Variants in NUP155 observed in about 807,000 individuals in gnomAD.
The protein encoded by NUP155 is nuclear pore complex protein Nup155.
In NUP155, 71 loss-of-function variants were observed where a neutral mutation model predicts 180.4. That is an observed-to-expected ratio of 0.39 (90% CI 0.33 to 0.48). The LOEUF is 0.48. Ranked by LOEUF, NUP155 falls within the 20% of genes least tolerant of loss-of-function variation. NUP155 has a pLI of 0.91. For synonymous variants in NUP155, 582 were observed against 559.5 expected (o/e 1.04, Z -0.57); for missense variants, 1,553 against 1,648.9 (o/e 0.94, Z 1.01).
intron 5 of NUP155, 40 bp downstream of exon 5, chr5:37,352,697 A>T (rs1176299263): frequency 7.4e-7 from 1 of 1,343,624 alleles, no homozygotes. Flanking sequence ...TGGCCAAAAT[A>T]CTATTATTTT....
At position 37,329,189 on chromosome 5, in the gene NUP155, C is replaced by T. The variant is rs1744796460; in HGVS notation, c.1813+1G>A. 1 of 1,607,276 alleles carries T rather than the reference C, an allele frequency of 6.2e-7. No individual in the cohort carries two copies. The highest frequency in any genetic ancestry group is 8.5e-7 in the Non-Finnish European group (1 of 1,173,848). On this transcript the variant is annotated splice_donor_variant, in intron 16 of 34. Coordinates refer to ENST00000231498, the MANE Select transcript of NUP155 (RefSeq NM_153485.3). LOFTEE classifies it high-confidence loss of function. ...ATTTCATTTCAATGTTCCATACTCA[C>T]TAGAATAGACAGGAGACCCCAAGAT...
At chr5:37,304,446 A>C (rs1304045372) in intron 27 of NUP155, among the ~76,000 whole-genome samples, 1 of 152,126 alleles carries the variant, frequency 6.6e-6, no homozygotes, top group African/African-American at 2.4e-5. Flanking sequence ...CTGAAGTCAC[A>C]GTGACTTAAC....
chr5:37,354,829 C>T (rs528169410), intron 4 of NUP155, among the ~76,000 whole-genome samples: 3 of 152,072 alleles, frequency 2.0e-5, no homozygotes, highest in Admixed American at 6.5e-5. Flanking sequence ...TGGTGGCTCA[C>T]GCCTGTAATC....
At chr5:37,343,264 C>CG (rs1343639090) in intron 9 of NUP155, among the ~76,000 whole-genome samples, 3 of 151,806 alleles carry the variant, frequency 2.0e-5, no homozygotes, top group African/African-American at 7.3e-5. Context: ...TTAGTAGAGA[C>CG]GGGGTTTCAC....
chr5:37,327,338 T>C, intron 18 of NUP155: 1 of 386,584 alleles, frequency 2.6e-6, no homozygotes, highest in South Asian at 2.4e-5. Context: ...AATTTTTGAC[T>C]ACATGAAGGT....
At chr5:37,313,996 T>C (rs933929620) in intron 22 of NUP155, among the ~76,000 whole-genome samples, 63 of 152,168 alleles carry the variant, frequency 4.1e-4, no homozygotes, top group Non-Finnish European at 8.5e-4. Context: ...TTCATTCACA[T>C]ACCCACAAGT....
chr5:37,301,303 C>T (rs1159229335), intron 30 of NUP155, 134 bp downstream of exon 30: 3 of 637,704 alleles, frequency 4.7e-6, no homozygotes, highest in East Asian at 5.9e-5. Context: ...AGCCCAGTGA[C>T]AAGCTGCCAA....
At chr5:37,298,379 T>A (rs182054310) in intron 32 of NUP155, among the ~76,000 whole-genome samples, 2 of 152,172 alleles carry the variant, frequency 1.3e-5, no homozygotes, top group Admixed American at 6.6e-5. Flanking sequence ...CACTTGTAGG[T>A]TGGCAAATAG....
intron 11 of NUP155, among the ~76,000 whole-genome samples, chr5:37,338,247 G>T (rs1581180096): frequency 6.7e-6 from 1 of 149,874 alleles, no homozygotes; most frequent in Non-Finnish European, 1.5e-5. Flanking sequence ...GAACGCAGGA[G>T]GTGGAGGTTG....
Position 37,302,890 on chromosome 5 carries a change from C to T in NUP155, c.3336G>A (p.Gln1112=). 1 of 1,613,814 alleles carries T rather than the reference C, an allele frequency of 6.2e-7. No individual in the cohort carries two copies. The highest frequency in any genetic ancestry group is 2.2e-5 in the East Asian group (1 of 44,852). The change falls in exon 29 of 35, where the codon CAG becomes CAA. Residue 1112 remains glutamine, a synonymous_variant. Coordinates refer to ENST00000231498, the MANE Select transcript of NUP155 (RefSeq NM_153485.3). Reference sequence around the variant, plus strand: ...CTCGAGCAATGTACTCTAGTCGCTGCTGAAGTGAAATTTCTGTGCTAGAAG... The same window carrying T: ...CTCGAGCAATGTACTCTAGTCGCTGTTGAAGTGAAATTTCTGTGCTAGAAG... The part of the protein sequence containing the change: ...ADMHSTEISL[Q]QRLEYIARAI...
intron 32 of NUP155, among the ~76,000 whole-genome samples, chr5:37,297,957 G>A (rs2150939003): frequency 1.3e-5 from 2 of 149,912 alleles, no homozygotes; most frequent in Middle Eastern, 6.9e-3. Flanking sequence ...AAAAAATTAG[G>A]CTGGGCACAG....
chr5:37,298,405 C>A (rs1742699041), intron 32 of NUP155, among the ~76,000 whole-genome samples: 1 of 151,976 alleles, frequency 6.6e-6, no homozygotes, highest in African/African-American at 2.4e-5. Flanking sequence ...AATTAGCTAC[C>A]TTATTTAAAA....
At chr5:37,350,905 T>G (rs60574091) in intron 6 of NUP155, among the ~76,000 whole-genome samples, 31,036 of 151,514 alleles carry the variant, frequency 0.2, 3,568 homozygotes, top group African/African-American at 0.31. Flanking sequence ...ATTTTGTATT[T>G]GTATATGTGT....
rs1262334586 is a variant in NUP155 at position 37,352,972 on chromosome 5, A to G, written c.464-143T>C. ...AGTTTAGTCAATTCTGTTGTTAAAA[A>G]TATTATTATGTATGATCATTTAAAT... On this transcript the variant is annotated intron_variant, in intron 4 of 34. Transcript: ENST00000231498. 16 of 616,920 alleles carry G rather than the reference A, an allele frequency of 2.6e-5. No homozygotes were observed. The East Asian group carries it at 4.6e-4, about 18-fold the overall frequency. 38.2% of individuals were successfully genotyped at this position (616,920 alleles called of 1,614,324 possible).
At chr5:37,330,840 A>T (rs16903587) in intron 14 of NUP155, among the ~76,000 whole-genome samples, 24,270 of 152,168 alleles carry the variant, frequency 0.16, 1,976 homozygotes, top group South Asian at 0.2. Context: ...TCTTACTAGC[A>T]GACTTCAATA....
At chr5:37,333,722 TAATA>T (rs1257103198) in intron 12 of NUP155, 89 bp from the exon 13 acceptor site, 3 of 850,692 alleles carry the variant, frequency 3.5e-6, no homozygotes, top group Non-Finnish European at 5.7e-6. Flanking sequence ...GAAGTAAATT[TAATA>T]AATAGTACAT....
chr5:37,370,980 C>A lies in NUP155; in HGVS notation c.-3G>T. On this transcript the variant is annotated 5_prime_UTR_variant, in exon 1 of 35. Transcript: ENST00000231498. ...GCGCCCAACAAAGAAGACGGCATCT[C>A]GGAAATCGTAGACACCAGGGTCCAG... The A allele has an allele frequency of 6.2e-7, 1 of 1,613,674 alleles. No individual in the cohort carries two copies. The highest frequency in any genetic ancestry group is 8.5e-7 in the Non-Finnish European group (1 of 1,179,952).
At position 37,290,958 on chromosome 5, in the gene NUP155, G is replaced by C. The variant is rs1479534992; in HGVS notation, c.*942C>G. On this transcript the variant is annotated 3_prime_UTR_variant, in exon 35 of 35. Coordinates refer to ENST00000231498, the MANE Select transcript of NUP155 (RefSeq NM_153485.3). ...GAGAACCACTGCTCTAATGGAATCAGTAGTCACAAGGCCAAGCAGCCAGGT... is the reference window on the plus strand; with the variant it reads ...GAGAACCACTGCTCTAATGGAATCACTAGTCACAAGGCCAAGCAGCCAGGT... 1 of 152,194 alleles carries C rather than the reference G, an allele frequency of 6.6e-6. No homozygotes were observed. Among genetic ancestry groups the C allele is most frequent in the East Asian group, 1.9e-4 (1 of 5,198 alleles). The allele number at this position is 152,194 out of a possible 1,614,324, so 9.4% of individuals were successfully genotyped here.
At chr5:37,340,689 T>G (rs1745657347) in intron 11 of NUP155, among the ~76,000 whole-genome samples, 1 of 152,306 alleles carries the variant, frequency 6.6e-6, no homozygotes, top group South Asian at 2.1e-4. Context: ...GATAACCACA[T>G]GCAGAAGGAT....
Sources: allele counts gnomAD v4.1 joint callset (sites outside exome capture counted in the v4.1 genomes callset), GRCh38; gene constraint gnomAD v4.1.1; transcripts MANE v1.5; gene names NCBI Gene and HGNC (gene_info 2026-07-23, HGNC 2026-07-21).